The following TEX11 variants were observed in gnomAD, a reference collection of about 807,000 sequenced individuals.
TEX11 encodes the protein testis expressed 11.
Under a neutral mutation model 84.4 loss-of-function variants are expected in TEX11, and 7 were observed. The observed-to-expected ratio is 0.08, with a 90% CI of 0.05 to 0.16. The LOEUF (loss-of-function observed/expected upper bound fraction) is 0.16. Ranked by LOEUF, TEX11 falls within the 10% of genes least tolerant of loss-of-function variation. The pLI is 1.00. For missense variants in TEX11, 551 were observed against 660.5 expected (o/e 0.83, Z 1.82); for synonymous variants, 264 against 222.8 (o/e 1.18, Z -1.64).
At chrX:70,803,155 A>C (rs1484791797) in intron 9 of TEX11, among the ~76,000 whole-genome samples, 1 of 112,067 alleles carries the variant, frequency 8.9e-6, no homozygotes, top group African/African-American at 3.2e-5. Flanking sequence ...AACAAACAAA[A>C]AAACTCTTAA....
At chrX:70,898,606 T>C (rs2091785744) in intron 2 of TEX11, among the ~76,000 whole-genome samples, 1 of 50,472 alleles carries the variant, frequency 2.0e-5, no homozygotes, top group African/African-American at 7.5e-5. Flanking sequence ...TTATAAACTG[T>C]ATTTTTTTTT....
intron 8 of TEX11, among the ~76,000 whole-genome samples, chrX:70,831,811 T>C (rs1236845257): frequency 1.8e-5 from 2 of 111,554 alleles, no homozygotes; most frequent in African/African-American, 6.5e-5. Context: ...TTGATGAATA[T>C]ATAAATTGGC....
At chrX:70,554,529 C>G in intron 26 of TEX11, 122 bp downstream of exon 26, 1 of 626,626 alleles carries the variant, frequency 1.6e-6, no homozygotes. Flanking sequence ...GAAGGAGAAA[C>G]AAAGTGCTAT....
intron 16 of TEX11, among the ~76,000 whole-genome samples, chrX:70,663,081 G>A (rs6625654): frequency 0.43 from 47,122 of 110,346 alleles, 8,382 homozygotes; most frequent in East Asian, 0.58. Flanking sequence ...AGTGATTAAT[G>A]AGCCTAGTCC....
intron 9 of TEX11, among the ~76,000 whole-genome samples, chrX:70,751,951 T>A (rs746222163): frequency 8.9e-6 from 1 of 112,468 alleles, no homozygotes; most frequent in Admixed American, 9.4e-5. Flanking sequence ...TGTAAAAAAA[T>A]TCTTAAGGTG....
At chrX:70,645,935 C>T (rs759934934) in intron 17 of TEX11, among the ~76,000 whole-genome samples, 3 of 110,780 alleles carry the variant, frequency 2.7e-5, no homozygotes, top group South Asian at 7.4e-4. Context: ...GACGTTTCCA[C>T]GGAAGCAAAA....
chrX:70,624,131 G>A, intron 19 of TEX11, 125 bp from the exon 20 acceptor site: 2 of 358,653 alleles, frequency 5.6e-6, no homozygotes, highest in East Asian at 9.2e-5. Context: ...GAGGGTAAAG[G>A]GGAGATTAAT....
At chrX:70,856,031 G>A (rs932788315) in intron 5 of TEX11, among the ~76,000 whole-genome samples, 4 of 111,585 alleles carry the variant, frequency 3.6e-5, no homozygotes, top group Non-Finnish European at 7.5e-5. Flanking sequence ...GATACATAGA[G>A]GGAACCATGA....
intron 17 of TEX11, among the ~76,000 whole-genome samples, chrX:70,635,636 C>T (rs1328837804): frequency 1.8e-5 from 2 of 112,329 alleles, no homozygotes; most frequent in Admixed American, 9.4e-5. Context: ...GCTGGATCCC[C>T]CGTAGCCCCA....
intron 2 of TEX11, among the ~76,000 whole-genome samples, chrX:70,888,458 A>G (rs903310622): frequency 8.9e-6 from 1 of 112,511 alleles, no homozygotes; most frequent in East Asian, 2.8e-4. Context: ...GAGTCCTTTA[A>G]TAGCAAAATT....
At chrX:70,805,816 G>T (rs1439373196) in intron 9 of TEX11, among the ~76,000 whole-genome samples, 1 of 112,070 alleles carries the variant, frequency 8.9e-6, no homozygotes, top group Non-Finnish European at 1.9e-5. Flanking sequence ...CTGTGTGTCA[G>T]AATCTGTGCT....
chrX:70,788,027 ATGG>A (rs1412348896), intron 9 of TEX11, among the ~76,000 whole-genome samples: 13 of 111,485 alleles, frequency 1.2e-4, no homozygotes, highest in African/African-American at 3.6e-4. Flanking sequence ...GAAAACACAA[ATGG>A]AAAGATACCC....
intron 16 of TEX11, among the ~76,000 whole-genome samples, chrX:70,662,839 G>C (rs186314357): frequency 1.8e-3 from 198 of 111,571 alleles, no homozygotes; most frequent in African/African-American, 4.5e-3. Context: ...ATTGCCTGGG[G>C]CTGGGAGTGG....
At chrX:70,697,807 C>T (rs1350046752) in intron 13 of TEX11, among the ~76,000 whole-genome samples, 1 of 111,580 alleles carries the variant, frequency 9.0e-6, no homozygotes, top group Non-Finnish European at 1.9e-5. Context: ...CAGGTAAGTA[C>T]TATTCATGAA....
intron 17 of TEX11, among the ~76,000 whole-genome samples, chrX:70,650,302 A>G (rs902715540): frequency 9.8e-5 from 11 of 111,723 alleles, no homozygotes; most frequent in African/African-American, 3.6e-4. Flanking sequence ...TATCTTCAAT[A>G]TACGTGACTT....
intron 3 of TEX11, among the ~76,000 whole-genome samples, chrX:70,875,164 C>T (rs767097607): frequency 9.2e-6 from 1 of 109,056 alleles, no homozygotes; most frequent in Non-Finnish European, 1.9e-5. Flanking sequence ...CGAGACAGAG[C>T]GAGACTCTGT....
intron 23 of TEX11, among the ~76,000 whole-genome samples, chrX:70,606,495 T>C (rs749585216): frequency 4.2e-4 from 47 of 112,212 alleles, no homozygotes; most frequent in Non-Finnish European, 7.9e-4. Context: ...GGACCTGCTA[T>C]AGGAAAGTTA....
chrX:70,613,136 A>G (rs1040923217), intron 20 of TEX11, among the ~76,000 whole-genome samples: 1 of 111,816 alleles, frequency 8.9e-6, no homozygotes, highest in Non-Finnish European at 1.9e-5. Flanking sequence ...GTGGAGCAAG[A>G]TTATGGAACA....
Position 70,722,704 on chromosome X carries a change from G to C in TEX11, c.926-8C>G. On this transcript the variant is annotated splice_polypyrimidine_tract_variant and splice_region_variant and intron_variant, in intron 12 of 29. Coordinates refer to ENST00000374333, the MANE Select transcript of TEX11 (RefSeq NM_031276.3). ...GTAGTATTTCCATGACAGCTAACAA[G>C]ATGAAAAAATGAAATAATTATCAGT... The C allele has an allele frequency of 2.6e-6, 3 of 1,157,028 alleles. No individual in the cohort carries two copies. Among genetic ancestry groups the C allele is most frequent in the Non-Finnish European group, 3.5e-6 (3 of 851,022 alleles).
Sources: allele counts gnomAD v4.1 joint callset (sites outside exome capture counted in the v4.1 genomes callset), GRCh38; gene constraint gnomAD v4.1.1; transcripts MANE v1.5; gene names NCBI Gene and HGNC (gene_info 2026-07-23, HGNC 2026-07-21).